Variants in L3MBTL4 observed in about 807,000 individuals in gnomAD.
L3MBTL4 encodes L3MBTL histone methyl-lysine binding protein 4, also known as lethal(3)malignant brain tumor-like protein 4.
L3MBTL4 carries 70 observed loss-of-function variants against 84.5 expected under a neutral mutation model. The observed-to-expected ratio is 0.83, with a 90% confidence interval of 0.68 to 1.01. L3MBTL4 has a LOEUF of 1.01. Ranked by LOEUF, L3MBTL4 falls within the 50% of genes least tolerant of loss-of-function variation. The pLI is 0.00. For synonymous variants in L3MBTL4, 274 were observed against 259.8 expected (o/e 1.05, Z -0.52); for missense variants, 715 against 754.8 (o/e 0.95, Z 0.62).
intron 14 of L3MBTL4, among the ~76,000 whole-genome samples, chr18:6,107,923 C>T (rs748578345): frequency 5.3e-5 from 8 of 151,918 alleles, no homozygotes; most frequent in Admixed American, 1.3e-4. Context: ...TACTTTGTAC[C>T]TTGTTTACTT....
At chr18:6,218,552 T>C (rs1237764801) in intron 10 of L3MBTL4, among the ~76,000 whole-genome samples, 1 of 152,174 alleles carries the variant, frequency 6.6e-6, no homozygotes, top group Non-Finnish European at 1.5e-5. Context: ...GGCATGCTAC[T>C]GTGAGAGTCA....
intron 16 of L3MBTL4, among the ~76,000 whole-genome samples, chr18:6,076,645 A>G (rs1013186258): frequency 6.6e-6 from 1 of 151,032 alleles, no homozygotes; most frequent in African/African-American, 2.5e-5. Flanking sequence ...CTGATTGTAG[A>G]TCACCAAATA....
intron 1 of L3MBTL4, among the ~76,000 whole-genome samples, chr18:6,351,943 C>T (rs1165821989): frequency 1.3e-5 from 2 of 152,162 alleles, no homozygotes; most frequent in Non-Finnish European, 2.9e-5. Context: ...GCCTCAGCCC[C>T]ACAAAGTGCT....
intron 1 of L3MBTL4, among the ~76,000 whole-genome samples, chr18:6,349,860 TCTAGGGTC>T (rs1349204128): frequency 3.9e-5 from 6 of 152,270 alleles, no homozygotes; most frequent in African/African-American, 1.4e-4. Context: ...GGAGAAGGCT[TCTAGGGTC>T]CTACTAATGT....
chr18:6,036,988 G>C (rs1003028436), intron 16 of L3MBTL4, among the ~76,000 whole-genome samples: 1 of 152,108 alleles, frequency 6.6e-6, no homozygotes, highest in South Asian at 2.1e-4. Flanking sequence ...GACGGGAAGG[G>C]GGTAAAAAAT....
intron 16 of L3MBTL4, among the ~76,000 whole-genome samples, chr18:6,009,162 A>G (rs1163901645): frequency 6.6e-6 from 1 of 152,212 alleles, no homozygotes; most frequent in African/African-American, 2.4e-5. Flanking sequence ...TAGTTACAGA[A>G]AGGCAGATGG....
At chr18:6,114,702 G>C (rs1033495178) in intron 14 of L3MBTL4, among the ~76,000 whole-genome samples, 2 of 152,044 alleles carry the variant, frequency 1.3e-5, no homozygotes, top group African/African-American at 4.8e-5. Context: ...TCCATTATTT[G>C]CTTCTTAATA....
chr18:6,020,202 T>C (rs2055185385), intron 16 of L3MBTL4, among the ~76,000 whole-genome samples: 1 of 151,604 alleles, frequency 6.6e-6, no homozygotes, highest in African/African-American at 2.4e-5. Flanking sequence ...TAGGGAAGGA[T>C]GGAGGGAGGG....
At chr18:6,069,433 G>GT (rs993243634) in intron 16 of L3MBTL4, among the ~76,000 whole-genome samples, 113 of 147,570 alleles carry the variant, frequency 7.7e-4, no homozygotes, top group African/African-American at 1.3e-3. Flanking sequence ...GGAAAGTGTT[G>GT]TTTTTTTTTT....
chr18:6,334,613 T>C (rs1193469048), intron 1 of L3MBTL4, among the ~76,000 whole-genome samples: 2 of 152,202 alleles, frequency 1.3e-5, no homozygotes, highest in Non-Finnish European at 2.9e-5. Flanking sequence ...ATTGGCATTG[T>C]TTTTTCTTAC....
intron 14 of L3MBTL4, among the ~76,000 whole-genome samples, chr18:6,135,251 G>A (rs2059996322): frequency 6.6e-6 from 1 of 152,102 alleles, no homozygotes; most frequent in South Asian, 2.1e-4. Flanking sequence ...TTTTCCTCCT[G>A]GGCCTCCAGG....
At chr18:6,271,177 A>G (rs920112241) in intron 4 of L3MBTL4, among the ~76,000 whole-genome samples, 26 of 152,188 alleles carry the variant, frequency 1.7e-4, no homozygotes, top group African/African-American at 5.8e-4. Context: ...ATTGCACACC[A>G]TGGTGAATGT....
chr18:6,356,298 G>T (rs879756820), intron 1 of L3MBTL4, among the ~76,000 whole-genome samples: 1 of 152,234 alleles, frequency 6.6e-6, no homozygotes, highest in Non-Finnish European at 1.5e-5. Flanking sequence ...CCTCGAAGAG[G>T]AGATGGCAAT....
intron 14 of L3MBTL4, among the ~76,000 whole-genome samples, chr18:6,095,022 A>G (rs1266643274): frequency 6.6e-6 from 1 of 152,210 alleles, no homozygotes; most frequent in African/African-American, 2.4e-5. Context: ...GCTACATGCT[A>G]GGTACTATAG....
chr18:6,009,569 C>T (rs1323187062), intron 16 of L3MBTL4, among the ~76,000 whole-genome samples: 1 of 152,178 alleles, frequency 6.6e-6, no homozygotes, highest in Non-Finnish European at 1.5e-5. Flanking sequence ...TGACAGGATG[C>T]TTGAGTCCCT....
intron 16 of L3MBTL4, among the ~76,000 whole-genome samples, chr18:5,977,560 T>C (rs761340089): frequency 3.9e-5 from 6 of 152,168 alleles, no homozygotes; most frequent in Non-Finnish European, 7.4e-5. Flanking sequence ...AGTCACTTAA[T>C]ATGCAGGGAA....
At chr18:5,958,524 A>G (rs2144625326) in intron 18 of L3MBTL4, among the ~76,000 whole-genome samples, 1 of 152,318 alleles carries the variant, frequency 6.6e-6, no homozygotes, top group South Asian at 2.1e-4. Context: ...TTATGGAGCT[A>G]CAGTAATCTA....
chr18:6,235,005 A>C (rs2047156892), intron 10 of L3MBTL4, among the ~76,000 whole-genome samples: 1 of 152,202 alleles, frequency 6.6e-6, no homozygotes, highest in African/African-American at 2.4e-5. Context: ...AGATGAGATC[A>C]TGTCATTTTT....
intron 13 of L3MBTL4, among the ~76,000 whole-genome samples, chr18:6,162,728 C>T (rs1288536704): frequency 6.6e-6 from 1 of 152,062 alleles, no homozygotes; most frequent in Non-Finnish European, 1.5e-5. Context: ...GAGCAAATGC[C>T]CTGAAGCCTC....
Sources: allele counts gnomAD v4.1 joint callset (sites outside exome capture counted in the v4.1 genomes callset), GRCh38; gene constraint gnomAD v4.1.1; transcripts MANE v1.5; gene names NCBI Gene and HGNC (gene_info 2026-07-23, HGNC 2026-07-21).